The following C1orf87 variants were observed in gnomAD, a reference collection of about 807,000 sequenced individuals.
C1orf87 encodes the protein uncharacterized protein C1orf87.
Under a neutral mutation model 60.5 loss-of-function variants are expected in C1orf87, and 58 were observed. That is an observed-to-expected ratio of 0.96 (90% CI 0.78 to 1.19). The LOEUF is 1.19. Ranked by LOEUF, C1orf87 falls within the 50% of genes most tolerant of loss-of-function variation. C1orf87 has a pLI of 0.00. For synonymous variants in C1orf87, 236 were observed against 227.4 expected (o/e 1.04, Z -0.34); for missense variants, 673 against 638.6 (o/e 1.05, Z -0.58).
chr1:60,004,801 AG>A lies in C1orf87; in HGVS notation c.1193-3646del, dbSNP rs1056370051. On this transcript the variant is annotated intron_variant, in intron 9 of 11. Transcript: ENST00000371201. ...GCTTCTAGAGATTTCCAGGTGTTGG[AG>A]GGCCAGGTTTTACAGGGTTTCCAGT... is the stretch of plus-strand genomic sequence containing the variant. Among the ~76,000 whole-genome samples the A allele has an allele frequency of 6.2e-3, 940 of 152,032 alleles. 10 individuals carry two copies. The highest frequency in any genetic ancestry group is 0.021 in the African/African-American group (876 of 41,524).
chr1:60,070,539 G>A (rs186394090), intron 2 of C1orf87, among the ~76,000 whole-genome samples: 2 of 152,090 alleles, frequency 1.3e-5, no homozygotes, highest in Admixed American at 6.5e-5. Context: ...GCAACAAGAA[G>A]CATTTAAGAA....
At position 60,053,032 on chromosome 1, in the gene C1orf87, T is replaced by C. The variant is rs190006748; in HGVS notation, c.342+2172A>G. On this transcript the variant is annotated intron_variant, in intron 3 of 11. Coordinates refer to ENST00000371201, the MANE Select transcript of C1orf87 (RefSeq NM_152377.3). The stretch of plus-strand genomic sequence containing the variant: ...GGAGGGGAGGGGCAAATTTTCTCCC[T>C]GTACTGCCGAGCTAGCAAATAATCC... 2.8e-4 allele frequency among the ~76,000 whole-genome samples: 42 copies of C among 152,314 alleles called. 1 individual carries two copies. The East Asian group carries it at 7.7e-3, about 28-fold the overall frequency.
chr1:60,039,411 T>A (rs910392706), intron 5 of C1orf87, among the ~76,000 whole-genome samples: 1 of 152,182 alleles, frequency 6.6e-6, no homozygotes, highest in Admixed American at 6.5e-5. Context: ...CATTGGGAAA[T>A]TTGTGTCTTA....
intron 2 of C1orf87, among the ~76,000 whole-genome samples, chr1:60,069,565 A>G (rs929455245): frequency 6.6e-6 from 1 of 152,180 alleles, no homozygotes; most frequent in Non-Finnish European, 1.5e-5. Flanking sequence ...TGTGAAATAT[A>G]TGTATACTAA....
intron 10 of C1orf87, among the ~76,000 whole-genome samples, chr1:59,999,391 G>A (rs1480169765): frequency 6.6e-6 from 1 of 152,132 alleles, no homozygotes; most frequent in African/African-American, 2.4e-5. Flanking sequence ...TAGAGCATTG[G>A]ACTACTTTAG....
At chr1:60,026,987 T>C (rs1033038228) in intron 7 of C1orf87, among the ~76,000 whole-genome samples, 1 of 152,234 alleles carries the variant, frequency 6.6e-6, no homozygotes, top group Non-Finnish European at 1.5e-5. Context: ...GCTCATTATG[T>C]ATGTGTAACT....
chr1:60,018,932 C>T (rs1381474368), intron 8 of C1orf87, among the ~76,000 whole-genome samples: 2 of 152,140 alleles, frequency 1.3e-5, no homozygotes, highest in Admixed American at 6.5e-5. Flanking sequence ...ATATAAGTTT[C>T]ATGAGGAAAG....
At chr1:60,048,843 C>A (rs939510214) in intron 3 of C1orf87, among the ~76,000 whole-genome samples, 15 of 151,896 alleles carry the variant, frequency 9.9e-5, no homozygotes, top group Non-Finnish European at 1.6e-4. Flanking sequence ...CACTTTTATT[C>A]AATTAATAAT....
intron 8 of C1orf87, among the ~76,000 whole-genome samples, chr1:60,013,338 G>A (rs1645102750): frequency 6.6e-6 from 1 of 151,616 alleles, no homozygotes; most frequent in African/African-American, 2.4e-5. Flanking sequence ...TCTAGATTTT[G>A]TAAAAGCCTC....
In C1orf87 at chr1:60,033,504, G is replaced by A; in HGVS notation, c.1001C>T (p.Ser334Leu). The change falls in exon 7 of 12, where the codon TCG becomes TTG. Residue 334 changes from serine (S) to leucine (L), a missense_variant. Physicochemically the swap from Ser to Leu is moderately radical, Grantham distance 145 (BLOSUM62 -2). Transcript: ENST00000371201. ...AGGTAGAGGGAGGCAGCCAGAGAAC[G>A]AGCGATCTTCTTTTCGAAAACTCAG... Reference protein sequence around the residue: ...LNLSFRKEDRSFSGCLPLPKV... With the variant: ...LNLSFRKEDRLFSGCLPLPKV... The A allele has an allele frequency of 5.0e-6, 8 of 1,613,888 alleles. No homozygotes were observed. The highest frequency in any genetic ancestry group is 2.2e-5 in the East Asian group (1 of 44,878).
rs372664939 is a variant in C1orf87 at position 60,032,197 on chromosome 1, C to T, written c.1029+1279G>A. On this transcript the variant is annotated intron_variant, in intron 7 of 11. Transcript: ENST00000371201. ...AACCTCTGTATACCTAGATGAAAGG[C>T]ATTTTCCAATATTTCTAACAGGGAT... is the stretch of plus-strand genomic sequence containing the variant. 6.6e-4 allele frequency among the ~76,000 whole-genome samples: 100 copies of T among 152,168 alleles called. 1 individual carries two copies. The highest frequency in any genetic ancestry group is 2.0e-3 in the African/African-American group (84 of 41,446).
At chr1:60,018,638 T>C (rs11803850) in intron 8 of C1orf87, among the ~76,000 whole-genome samples, 2,291 of 152,288 alleles carry the variant, frequency 0.015, 46 homozygotes, top group African/African-American at 0.052. Context: ...TTTGGCCTTG[T>C]AATTTTCTAC....
At chr1:60,034,263 C>T (rs543060536) in intron 6 of C1orf87, among the ~76,000 whole-genome samples, 4 of 152,084 alleles carry the variant, frequency 2.6e-5, no homozygotes, top group African/African-American at 4.8e-5. Context: ...AACAGACTAT[C>T]GTTATTTTAA....
intron 2 of C1orf87, among the ~76,000 whole-genome samples, chr1:60,064,287 TTA>T (rs1228906509): frequency 1.5e-4 from 16 of 107,650 alleles, no homozygotes; most frequent in Admixed American, 8.2e-4. Context: ...AAATTATATA[TTA>T]TATATATATT....
intron 2 of C1orf87, among the ~76,000 whole-genome samples, chr1:60,062,281 A>G (rs993635969): frequency 6.6e-6 from 1 of 152,122 alleles, no homozygotes; most frequent in African/African-American, 2.4e-5. Context: ...TCCTTGTTTG[A>G]GTGTATAATC....
At chr1:59,998,727 T>C (rs1437464167) in intron 10 of C1orf87, among the ~76,000 whole-genome samples, 2 of 152,110 alleles carry the variant, frequency 1.3e-5, no homozygotes, top group African/African-American at 2.4e-5. Flanking sequence ...GGTGATTATG[T>C]GTGAGATATT....
At chr1:60,055,117 A>T in intron 3 of C1orf87, 87 bp downstream of exon 3, 1 of 1,142,152 alleles carries the variant, frequency 8.8e-7, no homozygotes, top group Non-Finnish European at 1.3e-6. Flanking sequence ...GAACATTTGT[A>T]CAGTGTGTTT....
intron 7 of C1orf87, 112 bp downstream of exon 7, chr1:60,033,364 G>T (rs1645252690): frequency 9.9e-7 from 1 of 1,007,386 alleles, no homozygotes; most frequent in Non-Finnish European, 1.4e-6. Flanking sequence ...AAACAACTGT[G>T]TAATGTAATC....
intron 8 of C1orf87, among the ~76,000 whole-genome samples, chr1:60,013,895 C>A (rs1461631819): frequency 6.6e-6 from 1 of 152,096 alleles, no homozygotes; most frequent in African/African-American, 2.4e-5. Flanking sequence ...TTTCTCACCA[C>A]ATTTGTTGTA....
Sources: gnomAD v4.1 joint callset for allele counts (sites outside exome capture counted in the v4.1 genomes callset) on GRCh38, gnomAD v4.1.1 for gene constraint, MANE v1.5 for transcripts, NCBI Gene and HGNC (gene_info 2026-07-23, HGNC 2026-07-21) for gene names.